Variants in CLDN16 observed in about 807,000 individuals in gnomAD.
CLDN16 encodes claudin-16.
A neutral mutation model predicts 24.6 loss-of-function variants in CLDN16; 13 were observed. That is an observed-to-expected ratio of 0.53 (90% CI 0.34 to 0.84). CLDN16 has a LOEUF of 0.84. Ranked by LOEUF, CLDN16 falls within the 40% of genes least tolerant of loss-of-function variation. The pLI is 0.01. For missense variants in CLDN16, 298 were observed against 292.7 expected (o/e 1.02, Z -0.13); for synonymous variants, 116 against 106.7 (o/e 1.09, Z -0.54).
the CLDN16 span, chr3:190,305,881 A>T: frequency 6.6e-6 from 1 of 152,134 alleles, no homozygotes; most frequent in Admixed American, 6.6e-5. Flanking sequence ...GGGCCATAAA[A>T]TTTTTTTGTA....
chr3:190,333,702 C>G (rs534048347), intron 1 of CLDN16, among the ~76,000 whole-genome samples: 1 of 152,208 alleles, frequency 6.6e-6, no homozygotes. Flanking sequence ...AGTTCTTTCT[C>G]TGATAATGAA....
chr3:190,408,766 A>G (rs921751745), intron 4 of CLDN16, among the ~76,000 whole-genome samples: 1 of 149,624 alleles, frequency 6.7e-6, no homozygotes, highest in African/African-American at 2.4e-5. Context: ...TTGATGTATT[A>G]CAATTATACA....
chr3:190,302,779 A>AATAT, the CLDN16 span, among the ~76,000 whole-genome samples: 33 of 140,208 alleles, frequency 2.4e-4, no homozygotes, highest in East Asian at 1.4e-3. Context: ...CTCAAAAAAA[A>AATAT]ATATATATAT....
Position 190,402,439 on chromosome 3 carries a change from T to C in CLDN16, c.217T>C (p.Leu73=). 1 of 1,606,758 alleles carries C rather than the reference T, an allele frequency of 6.2e-7. No individual in the cohort carries two copies. The highest frequency in any genetic ancestry group is 8.5e-7 in the Non-Finnish European group (1 of 1,173,484). ...CGATTCCATACTTGCGGAGCATCCC[T>C]GTACGTATGCCTTAGAGCTCACTGC... is the stretch of plus-strand genomic sequence containing the variant. The part of the protein sequence containing the change: ...EYDSILAEHP[L]KLVVTRALMI... Residue 73 remains leucine (L), a splice_region_variant and synonymous_variant, in exon 2 of 5, where the codon TTG becomes CTG. Transcript: ENST00000264734.
chr3:190,308,457 T>TG, the CLDN16 span: 2 of 1,612,898 alleles, frequency 1.2e-6, no homozygotes, highest in Non-Finnish European at 1.7e-6. Flanking sequence ...GAAAAACCCA[T>TG]GTGCTTGTTA....
the CLDN16 span, chr3:190,306,656 C>G: frequency 6.5e-6 from 1 of 152,698 alleles, no homozygotes; most frequent in Non-Finnish European, 1.5e-5. Flanking sequence ...AAATCCAGGT[C>G]TCCAGACACC....
At chr3:190,368,833 C>T (rs749152065) in intron 1 of CLDN16, among the ~76,000 whole-genome samples, 2 of 151,804 alleles carry the variant, frequency 1.3e-5, no homozygotes, top group African/African-American at 2.4e-5. Flanking sequence ...TATTTTTTCC[C>T]TTTTCTAAGC....
At chr3:190,392,132 G>A (rs1718695078) in intron 1 of CLDN16, among the ~76,000 whole-genome samples, 1 of 149,590 alleles carries the variant, frequency 6.7e-6, no homozygotes, top group South Asian at 2.1e-4. Context: ...CTCACTAATG[G>A]ACTGGTGGTG....
intron 3 of CLDN16, among the ~76,000 whole-genome samples, chr3:190,406,893 C>G (rs908179599): frequency 6.6e-6 from 1 of 152,044 alleles, no homozygotes; most frequent in African/African-American, 2.4e-5. Flanking sequence ...AGGCGCCCAC[C>G]ACCACGCCTG....
At chr3:190,381,173 G>A (rs538255039) in intron 3 of CLDN16, among the ~76,000 whole-genome samples, 6 of 152,196 alleles carry the variant, frequency 3.9e-5, no homozygotes, top group African/African-American at 1.4e-4. Context: ...AGAGTAAAGG[G>A]AGAGAACTCT....
rs1719000727 is a variant in CLDN16 at position 190,402,949 on chromosome 3, A to G, written c.217+510A>G. Among the ~76,000 whole-genome samples the G allele has an allele frequency of 5.9e-5, 9 of 152,210 alleles. No homozygotes were observed. In the South Asian group the frequency reaches 1.9e-3, roughly 32 times the overall value. On this transcript the variant is annotated intron_variant, in intron 2 of 4. Transcript: ENST00000264734. The stretch of plus-strand genomic sequence containing the variant: ...GAGAGAGACATAGACTATGGGGATC[A>G]GTGGAAGAAAAAACCAACACATGTG...
chr3:190,385,453 T>C (rs1233406440), upstream of CLDN16, among the ~76,000 whole-genome samples: 2 of 152,182 alleles, frequency 1.3e-5, no homozygotes, highest in African/African-American at 4.8e-5. Context: ...TATGTTATTC[T>C]CTAAGAGTAG....
chr3:190,320,741 T>C (rs550906901), upstream of CLDN16, among the ~76,000 whole-genome samples: 1 of 152,256 alleles, frequency 6.6e-6, no homozygotes, highest in African/African-American at 2.4e-5. Flanking sequence ...ATGCCAACAC[T>C]TTTCACCCTT....
intron 1 of CLDN16, among the ~76,000 whole-genome samples, chr3:190,355,385 C>G (rs990450374): frequency 4.6e-5 from 7 of 151,834 alleles, no homozygotes; most frequent in Non-Finnish European, 8.8e-5. Flanking sequence ...TTAAAAATCC[C>G]CAAGTCCTCT....
In CLDN16 at chr3:190,410,069, T is replaced by A; in HGVS notation, c.*33T>A. ...GTTTCAGGGTGTGTTTGCATATGAT[T>A]TAATCAATCAGTATGGTTACATTGA... On this transcript the variant is annotated 3_prime_UTR_variant, in exon 5 of 5. Transcript: ENST00000264734. 2 of 1,611,856 alleles carry A rather than the reference T, an allele frequency of 1.2e-6. No individual in the cohort carries two copies. Among genetic ancestry groups the A allele is most frequent in the Non-Finnish European group, 1.7e-6 (2 of 1,177,940 alleles).
chr3:190,339,045 G>T (rs756868840), intron 1 of CLDN16, among the ~76,000 whole-genome samples: 1 of 152,054 alleles, frequency 6.6e-6, no homozygotes, highest in South Asian at 2.1e-4. Flanking sequence ...GGATAAGACA[G>T]TGCAGCTCTC....
chr3:190,409,279 T>TATATGC (rs1358390951), intron 4 of CLDN16, among the ~76,000 whole-genome samples: 140 of 75,990 alleles, frequency 1.8e-3, no homozygotes, highest in South Asian at 3.0e-3. Context: ...CATGTATATG[T>TATATGC]ATGTATATAT....
chr3:190,404,671 A>T, intron 2 of CLDN16, 91 bp from the exon 3 acceptor site: 1 of 1,251,976 alleles, frequency 8.0e-7, no homozygotes, highest in Non-Finnish European at 1.2e-6. Context: ...TGTTAATGTT[A>T]CCTACTTGTC....
At position 190,402,445 on chromosome 3, in the gene CLDN16, T is replaced by C; in HGVS notation, c.217+6T>C. 1 of 1,600,548 alleles carries C rather than the reference T, an allele frequency of 6.2e-7. No individual in the cohort carries two copies. The highest frequency in any genetic ancestry group is 8.6e-7 in the Non-Finnish European group (1 of 1,167,804). ...CATACTTGCGGAGCATCCCTGTACGTATGCCTTAGAGCTCACTGCTTGCCA... is the reference window on the plus strand; with the variant it reads ...CATACTTGCGGAGCATCCCTGTACGCATGCCTTAGAGCTCACTGCTTGCCA... On this transcript the variant is annotated splice_donor_region_variant and intron_variant, in intron 2 of 4. Transcript: ENST00000264734.
Sources: allele counts gnomAD v4.1 joint callset (sites outside exome capture counted in the v4.1 genomes callset), GRCh38; gene constraint gnomAD v4.1.1; transcripts MANE v1.5; gene names NCBI Gene and HGNC (gene_info 2026-07-23, HGNC 2026-07-21).